Variants in SNAP25 observed in about 807,000 individuals in gnomAD.
SNAP25 encodes synaptosome associated protein 25, also known as synaptosomal-associated protein 25.
Under a neutral mutation model 28.7 loss-of-function variants are expected in SNAP25, and 3 were observed. The observed-to-expected ratio is 0.10, with a 90% CI of 0.05 to 0.27. The LOEUF is 0.27. Ranked by LOEUF, SNAP25 falls within the 10% of genes least tolerant of loss-of-function variation. SNAP25 has a pLI of 1.00. For synonymous variants in SNAP25, 61 were observed against 88.1 expected, an observed-to-expected ratio of 0.69 and a Z score of 1.72; for missense variants, 117 against 278.7, an observed-to-expected ratio of 0.42 and a Z score of 4.13.
intron 2 of SNAP25, among the ~76,000 whole-genome samples, chr20:10,276,082 G>A (rs1450275300): frequency 1.3e-5 from 2 of 152,106 alleles, no homozygotes; most frequent in Admixed American, 1.3e-4. Context: ...TATCTGTAGG[G>A]TGGAAATAAG....
intron 1 of SNAP25, among the ~76,000 whole-genome samples, chr20:10,239,235 G>T (rs952118203): frequency 6.6e-6 from 1 of 152,152 alleles, no homozygotes; most frequent in Non-Finnish European, 1.5e-5. Flanking sequence ...CCAACTCCAG[G>T]TTCTTTTGAA....
chr20:10,227,788 G>A (rs2062759281), intron 1 of SNAP25, among the ~76,000 whole-genome samples: 1 of 152,218 alleles, frequency 6.6e-6, no homozygotes, highest in South Asian at 2.1e-4. Context: ...ATGTTTTACT[G>A]TTCACTAGGA....
intron 1 of SNAP25, among the ~76,000 whole-genome samples, chr20:10,272,887 G>A (rs532591904): frequency 8.5e-4 from 130 of 152,190 alleles, no homozygotes; most frequent in Non-Finnish European, 4.1e-4. Flanking sequence ...GGTAGAGAAC[G>A]GTGAAACCTG....
chr20:10,259,170 GATA>G (rs1281993632), intron 1 of SNAP25, among the ~76,000 whole-genome samples: 1 of 152,130 alleles, frequency 6.6e-6, no homozygotes, highest in African/African-American at 2.4e-5. Context: ...CAGCAGAGGT[GATA>G]ATAATGATGA....
chr20:10,249,404 A>C (rs2122794244), intron 1 of SNAP25, among the ~76,000 whole-genome samples: 1 of 152,332 alleles, frequency 6.6e-6, no homozygotes, highest in South Asian at 2.1e-4. Context: ...AACAGAAAAA[A>C]AAAATGGCAC....
intron 1 of SNAP25, among the ~76,000 whole-genome samples, chr20:10,270,430 G>A (rs770743861): frequency 6.6e-6 from 1 of 152,100 alleles, no homozygotes; most frequent in Admixed American, 6.5e-5. Context: ...TGGCCACGAT[G>A]GCTCACGCCT....
At chr20:10,246,352 G>A (rs2063127063) in intron 1 of SNAP25, among the ~76,000 whole-genome samples, 1 of 152,188 alleles carries the variant, frequency 6.6e-6, no homozygotes, top group Non-Finnish European at 1.5e-5. Flanking sequence ...AGAGATAAAA[G>A]GGGGTTGGCC....
At position 10,275,876 on chromosome 20, in the gene SNAP25, C is replaced by T. The variant is rs185961628; in HGVS notation, c.72+313C>T. On this transcript the variant is annotated intron_variant, in intron 2 of 7. Transcript: ENST00000254976. ...TGCTATGCTGGAGAAGGCTCAGTTC[C>T]GAGAACAGATTGTTAACATTTTCAG... is the stretch of plus-strand genomic sequence containing the variant. Among the ~76,000 whole-genome samples the T allele has an allele frequency of 3.3e-5, 5 of 152,188 alleles. No individual in the cohort carries two copies. In the East Asian group the frequency reaches 5.8e-4, roughly 18 times the overall value.
intron 1 of SNAP25, among the ~76,000 whole-genome samples, chr20:10,268,866 T>G (rs2122953504): frequency 6.6e-6 from 1 of 152,074 alleles, no homozygotes; most frequent in East Asian, 1.9e-4. Flanking sequence ...CCTCAGATGT[T>G]TCCGTTTCTG....
intron 7 of SNAP25, among the ~76,000 whole-genome samples, chr20:10,304,487 C>T (rs60819175): frequency 0.049 from 7,483 of 151,878 alleles, 652 homozygotes; most frequent in African/African-American, 0.17. Flanking sequence ...TTACTGTATT[C>T]GTATGATAAA....
At chr20:10,221,120 C>T (rs1262433182) in intron 1 of SNAP25, among the ~76,000 whole-genome samples, 4 of 152,186 alleles carry the variant, frequency 2.6e-5, no homozygotes, top group African/African-American at 9.7e-5. Context: ...TTTAAAAATG[C>T]TTTAACTTCA....
intron 1 of SNAP25, among the ~76,000 whole-genome samples, chr20:10,270,177 C>T (rs1390833945): frequency 6.6e-6 from 1 of 151,882 alleles, no homozygotes; most frequent in African/African-American, 2.4e-5. Context: ...TGCTTGAAAT[C>T]TGGGAGGCAG....
intron 6 of SNAP25, 43 bp downstream of exon 6, chr20:10,297,093 A>G: frequency 8.0e-6 from 12 of 1,499,712 alleles, no homozygotes; most frequent in Non-Finnish European, 1.1e-5. Flanking sequence ...CTCTATTGTC[A>G]AGTACAAACA....
chr20:10,238,397 A>T (rs1404046090), intron 1 of SNAP25, among the ~76,000 whole-genome samples: 1 of 152,224 alleles, frequency 6.6e-6, no homozygotes, highest in Non-Finnish European at 1.5e-5. Flanking sequence ...TGCAGCAAGG[A>T]CTAAGAGAGG....
intron 3 of SNAP25, among the ~76,000 whole-genome samples, chr20:10,279,876 T>A (rs967334167): frequency 1.4e-4 from 22 of 152,206 alleles, no homozygotes; most frequent in Non-Finnish European, 3.1e-4. Context: ...TTGCTCTTAC[T>A]TCCTCCTGGG....
At chr20:10,243,593 A>G (rs1311953797) in intron 1 of SNAP25, among the ~76,000 whole-genome samples, 1 of 152,070 alleles carries the variant, frequency 6.6e-6, no homozygotes. Flanking sequence ...GGGTTTGTCT[A>G]TTGTTCTTGT....
intron 1 of SNAP25, among the ~76,000 whole-genome samples, chr20:10,242,415 G>A (rs2063051159): frequency 6.6e-6 from 1 of 152,108 alleles, no homozygotes; most frequent in African/African-American, 2.4e-5. Flanking sequence ...AGTAGGGGAG[G>A]GGGTTCCTGT....
chr20:10,238,194 G>C (rs993887346), intron 1 of SNAP25, among the ~76,000 whole-genome samples: 1 of 152,122 alleles, frequency 6.6e-6, no homozygotes, highest in Non-Finnish European at 1.5e-5. Context: ...CAGGTGCTTT[G>C]GTGGATTCTA....
chr20:10,236,997 G>T (rs952383764), intron 1 of SNAP25, among the ~76,000 whole-genome samples: 5 of 104,106 alleles, frequency 4.8e-5, no homozygotes, highest in South Asian at 3.2e-4. Context: ...AATAAATAAA[G>T]GCTTCTAAAT....
Sources: allele counts gnomAD v4.1 joint callset (sites outside exome capture counted in the v4.1 genomes callset), GRCh38; gene constraint gnomAD v4.1.1; transcripts MANE v1.5; gene names NCBI Gene and HGNC (gene_info 2026-07-23, HGNC 2026-07-21).